The following KCNQ3 variants were observed in gnomAD, a reference collection of about 807,000 sequenced individuals.
KCNQ3 encodes potassium voltage-gated channel subfamily KQT member 3.
A neutral mutation model predicts 92.5 loss-of-function variants in KCNQ3; 30 were observed. That is an observed-to-expected ratio of 0.32 (90% CI 0.24 to 0.44). The LOEUF (loss-of-function observed/expected upper bound fraction) is 0.44. KCNQ3 is among the 20% of genes least tolerant of loss of function. The pLI is 1.00. For missense variants in KCNQ3, 913 were observed against 1,140.3 expected, an observed-to-expected ratio of 0.80 and a Z score of 2.87; for synonymous variants, 450 against 468.8, an observed-to-expected ratio of 0.96 and a Z score of 0.52.
intron 11 of KCNQ3, among the ~76,000 whole-genome samples, 184 bp downstream of exon 11, chr8:132,139,892 C>A (rs528844260): frequency 6.6e-6 from 1 of 152,264 alleles, no homozygotes; most frequent in East Asian, 1.9e-4. Context: ...TTGCTAACGT[C>A]TGGATCATTT....
intron 1 of KCNQ3, among the ~76,000 whole-genome samples, chr8:132,221,509 T>C (rs908422494): frequency 1.3e-5 from 2 of 152,220 alleles, no homozygotes; most frequent in African/African-American, 2.4e-5. Flanking sequence ...ATCACCATTC[T>C]AACTGGTGTG....
chr8:132,221,373 T>A (rs1322624571), intron 1 of KCNQ3, among the ~76,000 whole-genome samples: 1 of 152,240 alleles, frequency 6.6e-6, no homozygotes, highest in Middle Eastern at 3.2e-3. Flanking sequence ...TAGCCCTAGA[T>A]CCTTGAGGAA....
rs139976586 is a variant in KCNQ3 at position 132,139,552 on chromosome 8, A to G, written c.1568+524T>C. 4.6e-3 allele frequency among the ~76,000 whole-genome samples: 706 copies of G among 152,342 alleles called. 15 individuals are homozygous for G. Among genetic ancestry groups the G allele is most frequent in the Admixed American group, 0.04 (619 of 15,308 alleles). ...GCTGATAAAGTTTAGGTAATAGCAT[A>G]CTTTTTTTCATTTTCTTGCAGAATT... On this transcript the variant is annotated intron_variant, in intron 11 of 14. Coordinates refer to ENST00000388996, the MANE Select transcript of KCNQ3 (RefSeq NM_004519.4).
intron 1 of KCNQ3, among the ~76,000 whole-genome samples, chr8:132,275,194 A>G (rs965134034): frequency 6.6e-6 from 1 of 152,230 alleles, no homozygotes; most frequent in Non-Finnish European, 1.5e-5. Context: ...ACAATGGCCA[A>G]CAGATAGTAG....
At chr8:132,138,166 A>G (rs1367737931) in intron 11 of KCNQ3, 150 bp from the exon 12 acceptor site, 5 of 792,576 alleles carry the variant, frequency 6.3e-6, no homozygotes, top group African/African-American at 5.2e-5. Context: ...TTCTGGTTCT[A>G]CCCCTTGGAA....
At chr8:132,192,867 G>C (rs1827200098) in intron 1 of KCNQ3, among the ~76,000 whole-genome samples, 1 of 152,122 alleles carries the variant, frequency 6.6e-6, no homozygotes, top group African/African-American at 2.4e-5. Context: ...GGCTGGTCTC[G>C]AACTCCTGAC....
intron 9 of KCNQ3, among the ~76,000 whole-genome samples, chr8:132,145,782 G>C (rs1384848448): frequency 6.6e-6 from 1 of 152,244 alleles, no homozygotes; most frequent in Non-Finnish European, 1.5e-5. Context: ...GCTCAGGAAG[G>C]CATCTTGAGT....
chr8:132,405,220 T>G (rs1820444603), intron 1 of KCNQ3, among the ~76,000 whole-genome samples: 1 of 152,182 alleles, frequency 6.6e-6, no homozygotes, highest in African/African-American at 2.4e-5. Flanking sequence ...TGACGATGCA[T>G]GAGAATGCCT....
At chr8:132,279,722 AC>A (rs1816452921) in intron 1 of KCNQ3, among the ~76,000 whole-genome samples, 1 of 152,264 alleles carries the variant, frequency 6.6e-6, no homozygotes, top group African/African-American at 2.4e-5. Context: ...ATGCACACAT[AC>A]ATATGCATGT....
At chr8:132,243,616 A>C (rs545163475) in intron 1 of KCNQ3, among the ~76,000 whole-genome samples, 52 of 152,368 alleles carry the variant, frequency 3.4e-4, no homozygotes, top group African/African-American at 1.1e-3. Context: ...TCATGGAAAC[A>C]GCAATGGCTT....
intron 1 of KCNQ3, among the ~76,000 whole-genome samples, chr8:132,437,284 A>T (rs188400889): frequency 1.4e-3 from 210 of 151,468 alleles, no homozygotes; most frequent in African/African-American, 4.9e-3. Context: ...TCTCAAAAAA[A>T]AAATAAAAAT....
At chr8:132,262,581 T>C (rs1380113116) in intron 1 of KCNQ3, among the ~76,000 whole-genome samples, 2 of 150,328 alleles carry the variant, frequency 1.3e-5, no homozygotes, top group South Asian at 2.1e-4. Flanking sequence ...TGTATACAGG[T>C]AAAGAGGCAA....
At chr8:132,366,461 C>G (rs772552203) in intron 1 of KCNQ3, among the ~76,000 whole-genome samples, 4 of 152,072 alleles carry the variant, frequency 2.6e-5, no homozygotes, top group Non-Finnish European at 5.9e-5. Context: ...ATAACATTGG[C>G]TAGTACCTCT....
At chr8:132,434,209 A>G (rs1429283174) in intron 1 of KCNQ3, among the ~76,000 whole-genome samples, 9 of 23,874 alleles carry the variant, frequency 3.8e-4, no homozygotes, top group African/African-American at 1.2e-3. Context: ...CTCCGTCTCA[A>G]AAAAAAAAAA....
chr8:132,476,409 T>A (rs1193591496), intron 1 of KCNQ3, among the ~76,000 whole-genome samples: 1 of 152,198 alleles, frequency 6.6e-6, no homozygotes, highest in African/African-American at 2.4e-5. Flanking sequence ...TGCCAGCCCA[T>A]GGAAGCAGCC....
chr8:132,200,013 G>A (rs939654570), intron 1 of KCNQ3, among the ~76,000 whole-genome samples: 12 of 151,246 alleles, frequency 7.9e-5, no homozygotes, highest in African/African-American at 2.9e-4. Flanking sequence ...CCTTCTTATT[G>A]TATAATCATA....
At chr8:132,403,057 T>G (rs1323750658) in intron 1 of KCNQ3, among the ~76,000 whole-genome samples, 1 of 132,770 alleles carries the variant, frequency 7.5e-6, no homozygotes, top group Non-Finnish European at 1.6e-5. Context: ...ATGTCAATTG[T>G]AACAAATGTA....
chr8:132,340,620 G>A (rs2130684363), intron 1 of KCNQ3, among the ~76,000 whole-genome samples: 1 of 152,148 alleles, frequency 6.6e-6, no homozygotes, highest in East Asian at 1.9e-4. Flanking sequence ...GGGGGGTGGT[G>A]GGGGATGGAG....
intron 1 of KCNQ3, 103 bp downstream of exon 1, chr8:132,480,044 C>G: frequency 8.7e-7 from 1 of 1,146,850 alleles, no homozygotes; most frequent in South Asian, 1.4e-5. Context: ...AGCGGGAAAG[C>G]ATCCATGGGT....
Sources: gnomAD v4.1 joint callset for allele counts (sites outside exome capture counted in the v4.1 genomes callset) on GRCh38, gnomAD v4.1.1 for gene constraint, MANE v1.5 for transcripts, NCBI Gene and HGNC (gene_info 2026-07-23, HGNC 2026-07-21) for gene names.